LAMA2: variants seen among roughly 807,000 people sequenced by gnomAD.
The protein encoded by LAMA2 is laminin subunit alpha 2, also known as laminin subunit alpha-2.
A neutral mutation model predicts 364.8 loss-of-function variants in LAMA2; 269 were observed. The ratio of observed to expected loss-of-function variants is 0.74; its 90% CI spans 0.67 to 0.82. The LOEUF is 0.82. LAMA2 is among the 40% of genes least tolerant of loss of function. The probability of loss-of-function intolerance (pLI) is 0.00; values close to 1 mark genes in which losing one functional copy is unlikely to be tolerated. For synonymous variants in LAMA2, 1,379 were observed against 1,370.6 expected (o/e 1.01, Z -0.14); for missense variants, 3,807 against 3,873.2 (o/e 0.98, Z 0.45).
chr6:129,053,284 C>A (rs751938856), intron 2 of LAMA2, among the ~76,000 whole-genome samples: 2 of 152,042 alleles, frequency 1.3e-5, no homozygotes, highest in African/African-American at 2.4e-5. Flanking sequence ...AGGCTGGTCC[C>A]GAACTCCAGA....
intron 1 of LAMA2, among the ~76,000 whole-genome samples, chr6:128,898,786 A>G (rs1329028216): frequency 6.6e-6 from 1 of 152,218 alleles, no homozygotes; most frequent in Non-Finnish European, 1.5e-5. Flanking sequence ...AAGTCTATTC[A>G]TGACAGCTCT....
intron 28 of LAMA2, among the ~76,000 whole-genome samples, chr6:129,323,639 G>A (rs1775097733): frequency 1.3e-5 from 2 of 152,110 alleles, no homozygotes; most frequent in Non-Finnish European, 2.9e-5. Context: ...CTGTCTTTGA[G>A]TGACATTAAA....
chr6:129,398,386 A>T (rs1277440923), intron 37 of LAMA2, among the ~76,000 whole-genome samples: 10 of 151,650 alleles, frequency 6.6e-5, no homozygotes, highest in Non-Finnish European at 1.5e-5. Context: ...CCCCTGAATT[A>T]GTGATGGGAG....
At chr6:129,342,576 T>A in intron 30 of LAMA2, 109 bp downstream of exon 30, 1 of 1,019,334 alleles carries the variant, frequency 9.8e-7, no homozygotes, top group Non-Finnish European at 1.4e-6. Context: ...AATCTCAATT[T>A]AAGATAGAGA....
chr6:129,411,604 A>C (rs184013881), intron 40 of LAMA2, among the ~76,000 whole-genome samples: 32 of 152,296 alleles, frequency 2.1e-4, no homozygotes, highest in Admixed American at 1.3e-3. Context: ...TTTTTCTTGC[A>C]ATGGGGTTAG....
In LAMA2 at chr6:129,342,370, T is replaced by G; in HGVS notation, c.4339T>G (p.Phe1447Val). The G allele has an allele frequency of 6.2e-7, 1 of 1,613,434 alleles. No individual in the cohort carries two copies. Among genetic ancestry groups the G allele is most frequent in the Non-Finnish European group, 8.5e-7 (1 of 1,179,454 alleles). The change falls in exon 30 of 65, where the codon TTC (phenylalanine) becomes GTC (valine). Residue 1447 changes from phenylalanine to valine, a missense_variant. By Grantham distance (50) the Phe-to-Val change is conservative (BLOSUM62 -1). This residue lies in a region of LAMA2 where 3,333 missense variants were observed against 3,345.7 expected (regional missense o/e 1.00). Coordinates refer to ENST00000421865, the MANE Select transcript of LAMA2 (RefSeq NM_000426.4). ...QNCQHHTAGD[F>V]CERCALGYYG... The stretch of plus-strand genomic sequence containing the variant: ...TTGTCAACATCACACTGCTGGTGAC[T>G]TCTGTGAACGATGTGCTCTTGGATA...
chr6:129,473,491 T>G, intron 52 of LAMA2, 139 bp downstream of exon 52: 1 of 764,288 alleles, frequency 1.3e-6, no homozygotes, highest in Non-Finnish European at 2.2e-6. Context: ...AAACATCATG[T>G]TGCATGTTAG....
intron 1 of LAMA2, among the ~76,000 whole-genome samples, chr6:128,928,571 G>T (rs141948182): frequency 6.6e-6 from 1 of 152,126 alleles, no homozygotes; most frequent in Non-Finnish European, 1.5e-5. Flanking sequence ...AGGGAAGGAG[G>T]TCCCCTTCTC....
At chr6:129,007,835 A>T (rs1206038548) in intron 1 of LAMA2, among the ~76,000 whole-genome samples, 3 of 152,192 alleles carry the variant, frequency 2.0e-5, no homozygotes, top group African/African-American at 7.2e-5. Flanking sequence ...TTGTCAGTAA[A>T]ATGGTCTGTG....
At chr6:129,427,701 C>A in intron 40 of LAMA2, 51 bp from the exon 41 acceptor site, 1 of 1,348,168 alleles carries the variant, frequency 7.4e-7, no homozygotes, top group Non-Finnish European at 1.1e-6. Context: ...GATCCCTCCA[C>A]TCCATTATTC....
intron 1 of LAMA2, among the ~76,000 whole-genome samples, chr6:129,033,872 C>T (rs1786411791): frequency 6.7e-6 from 1 of 148,664 alleles, no homozygotes; most frequent in Non-Finnish European, 1.5e-5. Context: ...CTGGAACATT[C>T]CAAATAAGTG....
chr6:129,341,190 TAAATA>T (rs1776250209), intron 29 of LAMA2, among the ~76,000 whole-genome samples: 4 of 152,150 alleles, frequency 2.6e-5, no homozygotes, highest in African/African-American at 9.7e-5. Context: ...ACATGAAACA[TAAATA>T]CATTCTTCTT....
chr6:129,366,227 G>A lies in LAMA2; in HGVS notation c.4726G>A (p.Asp1576Asn). Residue 1576 changes from aspartate (D) to asparagine (N), a missense_variant, in exon 33 of 65, where the codon GAT becomes AAT. By Grantham distance (23) the Asp-to-Asn change is conservative. This residue lies in a region of LAMA2 where 3,333 missense variants were observed against 3,345.7 expected (regional missense o/e 1.00). Coordinates refer to ENST00000421865, the MANE Select transcript of LAMA2 (RefSeq NM_000426.4). Reference sequence around the variant, plus strand: ...TCACTTCTCTTTCACAGTTTGTGGAGATGAGTGCACTGGCCTTCTTCTCGG... The same window carrying A: ...TCACTTCTCTTTCACAGTTTGTGGAAATGAGTGCACTGGCCTTCTTCTCGG... Reference protein sequence around the residue: ...REGWECVFCGDECTGLLLGDL... With the variant: ...REGWECVFCGNECTGLLLGDL... The A allele has an allele frequency of 5.6e-6, 9 of 1,613,852 alleles. No individual in the cohort carries two copies. Among genetic ancestry groups the A allele is most frequent in the South Asian group, 3.3e-5 (3 of 91,022 alleles).
chr6:128,944,361 C>G (rs1483740247), intron 1 of LAMA2, among the ~76,000 whole-genome samples: 2 of 152,176 alleles, frequency 1.3e-5, no homozygotes, highest in African/African-American at 4.8e-5. Context: ...AGGCCTGATC[C>G]ATCTTCTGTT....
At chr6:128,933,385 C>A (rs1014346732) in intron 1 of LAMA2, among the ~76,000 whole-genome samples, 2 of 152,042 alleles carry the variant, frequency 1.3e-5, no homozygotes, top group Non-Finnish European at 2.9e-5. Flanking sequence ...CATGTGGATG[C>A]AGATATCTCC....
chr6:129,055,791 A>C lies in LAMA2; in HGVS notation c.284-3993A>C, dbSNP rs545795187. 1.4e-4 allele frequency among the ~76,000 whole-genome samples: 21 copies of C among 152,330 alleles called. No individual in the cohort carries two copies. The South Asian group carries it at 4.1e-3, about 30-fold the overall frequency. ...AGCAGTTTGAAAGGTTTACCTCATC[A>C]GCGATTCCCTATCCAGTTTTCAGAT... On this transcript the variant is annotated intron_variant, in intron 2 of 64. Coordinates refer to ENST00000421865, the MANE Select transcript of LAMA2 (RefSeq NM_000426.4).
At chr6:129,512,604 T>A in intron 63 of LAMA2, 111 bp downstream of exon 63, 1 of 1,222,260 alleles carries the variant, frequency 8.2e-7, no homozygotes, top group African/African-American at 1.5e-5. Context: ...GTATTCTTTG[T>A]TGGGAGAAAG....
At chr6:129,413,420 C>A (rs1780634187) in intron 40 of LAMA2, among the ~76,000 whole-genome samples, 1 of 152,034 alleles carries the variant, frequency 6.6e-6, no homozygotes, top group Admixed American at 6.6e-5. Context: ...GTACCTTACA[C>A]AAGATAACTT....
At chr6:129,233,863 G>A (rs1046698669) in intron 12 of LAMA2, among the ~76,000 whole-genome samples, 7 of 152,090 alleles carry the variant, frequency 4.6e-5, no homozygotes, top group Non-Finnish European at 8.8e-5. Context: ...TTCACTAAGG[G>A]TCTTGAAAAA....
Sources: gnomAD v4.1 joint callset for allele counts (sites outside exome capture counted in the v4.1 genomes callset) on GRCh38, gnomAD v4.1.1 for gene constraint, gnomAD v4.1.1 regional missense constraint, MANE v1.5 for transcripts, NCBI Gene and HGNC (gene_info 2026-07-23, HGNC 2026-07-21) for gene names.